AQR: variants seen among roughly 807,000 people sequenced by gnomAD.
AQR encodes aquarius intron-binding spliceosomal factor, also known as RNA helicase aquarius.
A neutral mutation model predicts 180.5 loss-of-function variants in AQR; 61 were observed. The ratio of observed to expected loss-of-function variants is 0.34; its 90% CI spans 0.28 to 0.42. The LOEUF is 0.42. Among genes scored for constraint, AQR ranks in the 10% least tolerant of loss-of-function variants. The pLI is 1.00. For synonymous variants in AQR, 551 were observed against 588.8 expected, an observed-to-expected ratio of 0.94 and a Z score of 0.93; for missense variants, 1,281 against 1,798.3, an observed-to-expected ratio of 0.71 and a Z score of 5.20.
At chr15:34,875,787 C>A in intron 28 of AQR, 148 bp downstream of exon 28, 1 of 531,166 alleles carries the variant, frequency 1.9e-6, no homozygotes, top group Non-Finnish European at 3.3e-6. Context: ...AGAAAGTTTA[C>A]AGGCTTAAAA....
At chr15:34,897,060 C>A in intron 21 of AQR, 94 bp from the exon 22 acceptor site, 1 of 967,502 alleles carries the variant, frequency 1.0e-6, no homozygotes, top group Non-Finnish European at 1.6e-6. Context: ...TAAATATCTG[C>A]TCTGTATTTA....
At chr15:34,925,803 A>ATT (rs1347411178) in intron 13 of AQR, among the ~76,000 whole-genome samples, 1 of 152,032 alleles carries the variant, frequency 6.6e-6, no homozygotes, top group Non-Finnish European at 1.5e-5. Flanking sequence ...ACTGCACTCC[A>ATT]GCCTGGGCAA....
Position 34,882,621 on chromosome 15 carries a change from A to G in AQR, c.3046T>C (p.Leu1016=). The change falls in exon 27 of 35, where the codon TTG becomes CTG. Residue 1016 remains leucine (L), a synonymous_variant. Coordinates refer to ENST00000156471, the MANE Select transcript of AQR (RefSeq NM_014691.3). ...TQLEEFRASE[L]LRSGLDRSKY... is the part of the protein sequence containing the mutation. ...GATCTGTCCAGTCCACTTCGAAGCA[A>G]TTCAGAGGCTCTGAATTCCTATGGA... The G allele has an allele frequency of 3.8e-6, 6 of 1,594,898 alleles. No individual in the cohort carries two copies. The highest frequency in any genetic ancestry group is 5.1e-6 in the Non-Finnish European group (6 of 1,173,852).
chr15:34,963,608 AT>A (rs2050293036), intron 2 of AQR, among the ~76,000 whole-genome samples: 3 of 152,210 alleles, frequency 2.0e-5, no homozygotes, highest in South Asian at 4.1e-4. Flanking sequence ...TAAATTAAAA[AT>A]AACCTAAGAA....
In AQR at chr15:34,856,919, G is replaced by GA. The variant is rs771342136; in HGVS notation, c.4330_4331insT (p.Ala1444ValfsTer13). 56 of 1,614,072 alleles carry GA rather than the reference G, an allele frequency of 3.5e-5. No individual in the cohort carries two copies. Among genetic ancestry groups the GA allele is most frequent in the Non-Finnish European group, 4.7e-5 (56 of 1,179,994 alleles). On this transcript the variant is annotated frameshift_variant, in exon 35 of 35. Coordinates refer to ENST00000156471, the MANE Select transcript of AQR (RefSeq NM_014691.3). LOFTEE classifies it low-confidence loss of function (END_TRUNC). ...AGGGATGGCTTCTGGAGTGGAAGTG[G>GA]CTCCTGTCTCACTGGGGGTGGTGTC... is the stretch of plus-strand genomic sequence containing the variant.
intron 7 of AQR, 105 bp downstream of exon 7, chr15:34,941,907 G>GA (rs1204725194): frequency 1.3e-6 from 1 of 746,936 alleles, no homozygotes; most frequent in African/African-American, 1.8e-5. Flanking sequence ...CTAAGAAAAG[G>GA]GGTATTTAGC....
chr15:34,964,893 G>T (rs879261881), intron 1 of AQR, among the ~76,000 whole-genome samples: 3 of 152,020 alleles, frequency 2.0e-5, no homozygotes, highest in Non-Finnish European at 4.4e-5. Context: ...CATATTTAAA[G>T]AAACAGCATA....
At chr15:34,864,102 T>C (rs764668241) in intron 32 of AQR, among the ~76,000 whole-genome samples, 1 of 152,170 alleles carries the variant, frequency 6.6e-6, no homozygotes, top group Non-Finnish European at 1.5e-5. Flanking sequence ...GGAATATTTA[T>C]CTAATAGCTT....
chr15:34,865,932 G>A (rs762295312), intron 32 of AQR, among the ~76,000 whole-genome samples: 3 of 152,008 alleles, frequency 2.0e-5, no homozygotes, highest in Admixed American at 6.6e-5. Flanking sequence ...CTAAGTACAG[G>A]GTTTCCTGCT....
intron 12 of AQR, among the ~76,000 whole-genome samples, chr15:34,929,437 G>T (rs113968771): frequency 0.097 from 14,793 of 152,126 alleles, 794 homozygotes; most frequent in Middle Eastern, 0.16. Flanking sequence ...ACCATTTACT[G>T]AATAGGAGAT....
intron 32 of AQR, among the ~76,000 whole-genome samples, chr15:34,864,138 G>C (rs1213318256): frequency 6.6e-6 from 1 of 151,920 alleles, no homozygotes; most frequent in Non-Finnish European, 1.5e-5. Context: ...AAGGTATTTG[G>C]GGAGTATCTC....
chr15:34,923,501 A>G (rs1474359269), intron 13 of AQR, among the ~76,000 whole-genome samples: 1 of 152,148 alleles, frequency 6.6e-6, no homozygotes, highest in Admixed American at 6.5e-5. Context: ...TTTGGTGTCT[A>G]TAGAAATCTT....
intron 22 of AQR, among the ~76,000 whole-genome samples, chr15:34,895,727 G>A (rs1893233803): frequency 6.6e-6 from 1 of 151,868 alleles, no homozygotes; most frequent in Non-Finnish European, 1.5e-5. Context: ...CAGAACTAAA[G>A]GAGAAATAGA....
intron 26 of AQR, among the ~76,000 whole-genome samples, chr15:34,883,192 C>T (rs1893002436): frequency 6.6e-6 from 1 of 151,968 alleles, no homozygotes; most frequent in African/African-American, 2.4e-5. Context: ...AAACCCAAGG[C>T]AGAGGGAACT....
rs146733967 is a variant in AQR, at chr15:34,897,783, T to C, written c.2244-78A>G. On this transcript the variant is annotated intron_variant, in intron 20 of 34. Coordinates refer to ENST00000156471, the MANE Select transcript of AQR (RefSeq NM_014691.3). ...TACCTATCTGGTGCATGACATTGTA[T>C]GCACGATAATCAGAGGAGTAAGAAA... 1.5e-4 allele frequency: 213 copies of C among 1,459,366 alleles called. 1 individual carries two copies. In the East Asian group the frequency reaches 4.8e-3, roughly 33 times the overall value. 90.4% of individuals were successfully genotyped at this position (1,459,366 alleles called of 1,614,324 possible). A position where few individuals can be genotyped will look rare whatever the true frequency, so the allele number is the denominator to read the frequency against.
In AQR at chr15:34,856,760, C is replaced by T. The variant is rs748000646; in HGVS notation, c.*32G>A. On this transcript the variant is annotated 3_prime_UTR_variant, in exon 35 of 35. Transcript: ENST00000156471. Reference sequence around the variant, plus strand: ...CAGCTTTACTCAGACTTTTTGACTGCCATGTCCTCCTTTAGAAGGACTACA... The same window carrying T: ...CAGCTTTACTCAGACTTTTTGACTGTCATGTCCTCCTTTAGAAGGACTACA... The T allele has an allele frequency of 2.7e-6, 4 of 1,456,282 alleles. No homozygotes were observed. The highest frequency in any genetic ancestry group is 3.6e-6 in the Non-Finnish European group (4 of 1,099,462). The allele number at this position is 1,456,282 out of a possible 1,614,324, so 90.2% of individuals were successfully genotyped here.
chr15:34,942,492 G>A (rs373902584), intron 6 of AQR, among the ~76,000 whole-genome samples: 2 of 152,134 alleles, frequency 1.3e-5, no homozygotes, highest in South Asian at 2.1e-4. Context: ...TTTTTGGCAC[G>A]CTTGTGCTTT....
intron 29 of AQR, 44 bp downstream of exon 29, chr15:34,874,633 A>G (rs1396394332): frequency 6.2e-7 from 1 of 1,603,584 alleles, no homozygotes; most frequent in Non-Finnish European, 8.5e-7. Flanking sequence ...ATCATGGAAC[A>G]AATGTCCTTA....
Position 34,867,556 on chromosome 15 carries a change from A to C in AQR, c.3822T>G (p.Ser1274=). 6.2e-7 allele frequency: 1 copy of C among 1,612,322 alleles called. No individual in the cohort carries two copies. ...GGCCCACTGCCCTGGTTCGTACCAG[A>C]GAAAGAAGAATATAGTCATTCTGTT... is the stretch of plus-strand genomic sequence containing the variant. ...QGQQNDYILL[S]LVRTRAVGHL... The change falls in exon 32 of 35, where the codon TCT becomes TCG. Residue 1274 remains serine (S), a synonymous_variant. Coordinates refer to ENST00000156471, the MANE Select transcript of AQR (RefSeq NM_014691.3).
Sources: allele counts gnomAD v4.1 joint callset (sites outside exome capture counted in the v4.1 genomes callset), GRCh38; gene constraint gnomAD v4.1.1; transcripts MANE v1.5; gene names NCBI Gene and HGNC (gene_info 2026-07-23, HGNC 2026-07-21).